Variants in RORA observed in about 807,000 individuals in gnomAD.
The protein encoded by RORA is RAR related orphan receptor A.
RORA carries 7 observed loss-of-function variants against 69.5 expected under a neutral mutation model. The ratio of observed to expected loss-of-function variants is 0.10; its 90% CI spans 0.06 to 0.19. RORA has a LOEUF of 0.19. RORA is among the 10% of genes least tolerant of loss of function. RORA has a pLI of 1.00. For synonymous variants in RORA, 261 were observed against 240.8 expected (o/e 1.08, Z -0.78); for missense variants, 457 against 663.0 (o/e 0.69, Z 3.41).
chr15:60,852,492 T>C (rs2073337177), intron 1 of RORA, among the ~76,000 whole-genome samples: 1 of 152,162 alleles, frequency 6.6e-6, no homozygotes, highest in Admixed American at 6.5e-5. Flanking sequence ...ACTATATACA[T>C]AAAATACCTA....
chr15:61,186,358 TGGCCAGGCACG>T (rs1259001480), intron 1 of RORA, among the ~76,000 whole-genome samples: 1 of 152,110 alleles, frequency 6.6e-6, no homozygotes, highest in Non-Finnish European at 1.5e-5. Flanking sequence ...CCAGATGCCC[TGGCCAGGCACG>T]GTGGCTCATG....
intron 2 of RORA, among the ~76,000 whole-genome samples, chr15:60,547,440 C>T (rs948415931): frequency 6.6e-6 from 1 of 151,862 alleles, no homozygotes; most frequent in Non-Finnish European, 1.5e-5. Flanking sequence ...GATTCTCCTG[C>T]CTCAGCCTCC....
chr15:61,136,968 C>T (rs1248127623), intron 1 of RORA, among the ~76,000 whole-genome samples: 5 of 149,070 alleles, frequency 3.4e-5, no homozygotes, highest in Admixed American at 6.8e-5. Context: ...GGTCCAGCAT[C>T]CAATGACTGG....
chr15:60,904,773 G>A (rs1454908892), intron 1 of RORA, among the ~76,000 whole-genome samples: 3 of 152,134 alleles, frequency 2.0e-5, no homozygotes, highest in Non-Finnish European at 4.4e-5. Flanking sequence ...ATCCTGTCAC[G>A]GTAATGAACG....
intron 10 of RORA, among the ~76,000 whole-genome samples, chr15:60,499,003 T>C (rs1367500890): frequency 1.3e-5 from 2 of 152,182 alleles, no homozygotes; most frequent in South Asian, 2.1e-4. Flanking sequence ...GCAATGGCAC[T>C]GAAGGATATT....
intron 2 of RORA, among the ~76,000 whole-genome samples, chr15:60,652,675 C>T (rs1373655924): frequency 6.6e-6 from 1 of 152,086 alleles, no homozygotes; most frequent in Non-Finnish European, 1.5e-5. Context: ...AAAACTAATC[C>T]CTTCCATGTT....
intron 1 of RORA, among the ~76,000 whole-genome samples, chr15:60,874,853 CA>C (rs1230816925): frequency 6.6e-6 from 1 of 152,004 alleles, no homozygotes; most frequent in Non-Finnish European, 1.5e-5. Context: ...TGATTTGGGG[CA>C]AGTTATTTAA....
At chr15:61,122,055 A>G (rs2079109284) in intron 1 of RORA, among the ~76,000 whole-genome samples, 1 of 152,208 alleles carries the variant, frequency 6.6e-6, no homozygotes, top group South Asian at 2.1e-4. Flanking sequence ...ATGTAAGAGG[A>G]AAAATATTCA....
chr15:60,912,562 G>C (rs1315151478), intron 1 of RORA, among the ~76,000 whole-genome samples: 1 of 152,130 alleles, frequency 6.6e-6, no homozygotes, highest in Non-Finnish European at 1.5e-5. Flanking sequence ...ACACCATCTT[G>C]GCTAACATGG....
chr15:61,050,211 T>C (rs890515843), intron 1 of RORA, among the ~76,000 whole-genome samples: 4 of 152,202 alleles, frequency 2.6e-5, no homozygotes, highest in Non-Finnish European at 5.9e-5. Flanking sequence ...ATGCCGTCCA[T>C]GGCTGCTTTC....
intron 1 of RORA, among the ~76,000 whole-genome samples, chr15:61,173,592 A>G (rs2079603419): frequency 6.6e-6 from 1 of 152,212 alleles, no homozygotes; most frequent in Non-Finnish European, 1.5e-5. Context: ...CCTAGTTAAA[A>G]ATATCGTCTG....
At chr15:60,809,937 A>G (rs2072718833) in intron 1 of RORA, among the ~76,000 whole-genome samples, 1 of 152,048 alleles carries the variant, frequency 6.6e-6, no homozygotes, top group Non-Finnish European at 1.5e-5. Flanking sequence ...TCTTGAAGCT[A>G]TTTCCCCAGG....
intron 1 of RORA, among the ~76,000 whole-genome samples, chr15:61,004,116 G>A (rs1253577148): frequency 1.3e-5 from 2 of 152,152 alleles, no homozygotes; most frequent in African/African-American, 4.8e-5. Context: ...TCAGACAAGA[G>A]GAGGTTTCAA....
chr15:61,217,394 GATCTT>G (rs1268351249), intron 1 of RORA, among the ~76,000 whole-genome samples: 5 of 152,066 alleles, frequency 3.3e-5, no homozygotes, highest in Non-Finnish European at 7.4e-5. Context: ...GGAGAAGGTG[GATCTT>G]ATCTGGAGTG....
chr15:60,884,866 T>A (rs2073734363), intron 1 of RORA, among the ~76,000 whole-genome samples: 1 of 152,170 alleles, frequency 6.6e-6, no homozygotes, highest in Non-Finnish European at 1.5e-5. Context: ...GTCTCATTGT[T>A]TTTGAGCACA....
intron 2 of RORA, chr15:60,677,194 G>A (rs1283826312): frequency 2.2e-6 from 1 of 455,928 alleles, no homozygotes; most frequent in Non-Finnish European, 4.4e-6. Context: ...GAGCTCATGG[G>A]CAAGGCTGTG....
intron 1 of RORA, among the ~76,000 whole-genome samples, chr15:60,795,132 T>C (rs889507938): frequency 2.0e-5 from 3 of 152,116 alleles, no homozygotes; most frequent in Non-Finnish European, 4.4e-5. Context: ...ACACACTAGA[T>C]GTATGCCACC....
At chr15:61,058,345 G>C (rs1333093981) in intron 1 of RORA, among the ~76,000 whole-genome samples, 2 of 152,166 alleles carry the variant, frequency 1.3e-5, no homozygotes, top group Non-Finnish European at 2.9e-5. Context: ...TTGGATGAGT[G>C]AATGTGCAGG....
chr15:60,958,043 C>T (rs1369579126), intron 1 of RORA, among the ~76,000 whole-genome samples: 4 of 151,302 alleles, frequency 2.6e-5, no homozygotes, highest in South Asian at 2.1e-4. Context: ...TGAAATTGTT[C>T]GTCTACTTTA....
Sources: allele counts gnomAD v4.1 joint callset (sites outside exome capture counted in the v4.1 genomes callset), GRCh38; gene constraint gnomAD v4.1.1; transcripts MANE v1.5; gene names NCBI Gene and HGNC (gene_info 2026-07-23, HGNC 2026-07-21).